PLEKHN1: variants seen among roughly 807,000 people sequenced by gnomAD.
The protein encoded by PLEKHN1 is pleckstrin homology domain containing N1.
Under a neutral mutation model 72.8 loss-of-function variants are expected in PLEKHN1, and 68 were observed. The observed-to-expected ratio is 0.93, with a 90% CI of 0.77 to 1.14. The LOEUF (loss-of-function observed/expected upper bound fraction) is 1.14. PLEKHN1 is among the 50% of genes most tolerant of loss of function. The pLI is 0.00. For missense variants in PLEKHN1, 1,015 were observed against 840.5 expected, an observed-to-expected ratio of 1.21 and a Z score of -2.57; for synonymous variants, 454 against 371.6, an observed-to-expected ratio of 1.22 and a Z score of -2.55.
chr1:974,342 C>T lies in PLEKHN1; in HGVS notation c.1680C>T (p.Pro560=), dbSNP rs1168312991. The T allele has an allele frequency of 5.0e-6, 8 of 1,612,882 alleles. No individual in the cohort carries two copies. The highest frequency in any genetic ancestry group is 1.6e-4 in the Middle Eastern group (1 of 6,062). ...TCTCCTCTGCCAGGGAAGGTTCGCC[C>T]GAACCCTGGCTGCCTCTGACAGGTG... is the stretch of plus-strand genomic sequence containing the variant. ...QLVSSAREGS[P]EPWLPLTDGR... is the part of the protein sequence containing the mutation. Residue 560 remains proline, a synonymous_variant, in exon 15 of 16, where the codon CCC becomes CCT. Transcript: ENST00000379410.
Position 974,229 on chromosome 1 carries a change from C to T in PLEKHN1, c.1654-87C>T, listed in dbSNP as rs1643499789. ...GGACTGGGGAGGGAGAGCAGGGGGA[C>T]ATGGGGGGCTGCACAGTGACAGGCC... On this transcript the variant is annotated intron_variant, in intron 14 of 15. Transcript: ENST00000379410. 6.9e-6 allele frequency: 11 copies of T among 1,583,762 alleles called. No homozygotes were observed. In the East Asian group the frequency reaches 2.5e-4, roughly 35 times the overall value.
Position 966,580 on chromosome 1 carries a change from T to C in PLEKHN1, c.49T>C (p.Ser17Pro). Residue 17 changes from serine (S) to proline (P), a missense_variant, in exon 1 of 16, where the codon TCC becomes CCC. By Grantham distance (74) the Ser-to-Pro change is moderately conservative. Coordinates refer to ENST00000379410, the MANE Select transcript of PLEKHN1 (RefSeq NM_032129.3). ...TCAGGCCCCCAGGAGGCTCCGGGCC[T>C]CCTTCTCCAGAAAGCCCTCGCTGAA... ...VPQAPRRLRA[S>P]FSRKPSLKGN... 6.2e-7 allele frequency: 1 copy of C among 1,610,922 alleles called. No homozygotes were observed. Among genetic ancestry groups the C allele is most frequent in the Non-Finnish European group, 8.5e-7 (1 of 1,178,646 alleles).
Position 970,399 on chromosome 1 carries a change from C to T in PLEKHN1, c.306C>T (p.Val102=), listed in dbSNP as rs774385295. 1.2e-6 allele frequency: 2 copies of T among 1,613,352 alleles called. No individual in the cohort carries two copies. The highest frequency in any genetic ancestry group is 1.7e-6 in the Non-Finnish European group (2 of 1,179,954). The change falls in exon 3 of 16, where the codon GTC becomes GTT. Residue 102 remains valine (V), a synonymous_variant. Transcript: ENST00000379410. This position sits in a 1 kb window ranked among gnomAD's most constrained non-coding sequence, Gnocchi z 4.2. The part of the protein sequence containing the change: ...NLGKVVHYAK[V]QLRFQHSQDV... ...GAAAAGTTGTGCATTACGCCAAGGTCCAGCTGCGGTTCCAGCACAGCCAGG... is the reference window on the plus strand; with the variant it reads ...GAAAAGTTGTGCATTACGCCAAGGTTCAGCTGCGGTTCCAGCACAGCCAGG...
chr1:968,312 AG>A (rs1343281570), intron 2 of PLEKHN1, among the ~76,000 whole-genome samples: 1 of 151,602 alleles, frequency 6.6e-6, no homozygotes. Context: ...AGCTCCTAGA[AG>A]GAGGAGGACA....
At position 972,129 on chromosome 1, in the gene PLEKHN1, A is replaced by G; in HGVS notation, c.844A>G (p.Ile282Val). 3.1e-6 allele frequency: 5 copies of G among 1,613,102 alleles called. No homozygotes were observed. Among genetic ancestry groups the G allele is most frequent in the Non-Finnish European group, 2.5e-6 (3 of 1,179,902 alleles). The change falls in exon 9 of 16, where the codon ATC (isoleucine) becomes GTC (valine). Residue 282 changes from isoleucine (I) to valine (V), a missense_variant. Ile to Val is a conservative substitution (Grantham distance 29). Transcript: ENST00000379410. ...HINLEEKEKQ[I>V]RSFLIEGPLI... ...CAACCTGGAGGAGAAGGAGAAGCAG[A>G]TCCGCTCCTTCCTGATTGAAGGTAG...
rs1301226005 is a variant in PLEKHN1 at position 969,576 on chromosome 1, ATT to A, written c.184-699_184-698del. On this transcript the variant is annotated intron_variant, in intron 2 of 15. Transcript: ENST00000379410. Reference sequence around the variant, plus strand: ...TATGTGTATACATGTGTATGGGTGTATTTGCGTGTGGATATGTATGCATGTAT... The same window carrying A: ...TATGTGTATACATGTGTATGGGTGTATGCGTGTGGATATGTATGCATGTAT... Among the ~76,000 whole-genome samples the A allele has an allele frequency of 4.6e-5, 7 of 150,794 alleles. No homozygotes were observed. The South Asian group carries it at 6.3e-4, about 14-fold the overall frequency.
chr1:966,521 C>T lies in PLEKHN1; in HGVS notation c.-11C>T, dbSNP rs146478061. On this transcript the variant is annotated 5_prime_UTR_variant, in exon 1 of 16. It adds an upstream start codon to the 5' untranslated region. Coordinates refer to ENST00000379410, the MANE Select transcript of PLEKHN1 (RefSeq NM_032129.3). ...AGGGACCCAGACTTGCCGACCTGTA[C>T]GACTCTGGCCATGGGGAACAGCCAC... 7.0e-4 allele frequency: 1,113 copies of T among 1,596,082 alleles called. 12 individuals carry two copies. The East Asian group carries it at 0.019, about 28-fold the overall frequency.
In PLEKHN1 at chr1:974,747, C is replaced by G; in HGVS notation, c.*172C>G. ...AGCTCCTGTTCCTTGGTGCCAGCAGCTGGGGCAGGGAAGGGTGGGAGGGGC... is the reference window on the plus strand; with the variant it reads ...AGCTCCTGTTCCTTGGTGCCAGCAGGTGGGGCAGGGAAGGGTGGGAGGGGC... On this transcript the variant is annotated 3_prime_UTR_variant, in exon 16 of 16. Coordinates refer to ENST00000379410, the MANE Select transcript of PLEKHN1 (RefSeq NM_032129.3). The G allele has an allele frequency of 1.8e-5, 13 of 704,424 alleles. No homozygotes were observed. The highest frequency in any genetic ancestry group is 3.3e-5 in the East Asian group (1 of 30,008). 43.6% of individuals were successfully genotyped at this position (704,424 alleles called of 1,614,324 possible).
chr1:973,720 C>A (rs146331840), intron 13 of PLEKHN1, 80 bp downstream of exon 13: 2 of 1,573,738 alleles, frequency 1.3e-6, no homozygotes, highest in Non-Finnish European at 1.7e-6. Flanking sequence ...GTGCGTCTCA[C>A]CCTGGGGTCT....
In PLEKHN1 at chr1:970,350, G is replaced by A. The variant is rs147933507; in HGVS notation, c.257G>A (p.Arg86Gln). Residue 86 changes from arginine (R) to glutamine (Q), a missense_variant, in exon 3 of 16, where the codon CGG becomes CAG. Transcript: ENST00000379410. This position sits in a 1 kb window ranked among gnomAD's most constrained non-coding sequence, Gnocchi z 4.2. ...CTGAGTGTGTTCAAGAAGGGGCGGC[G>A]GAGGGTGCCTGTGAGGAACCTGGGA... ...PFLSVFKKGR[R>Q]RVPVRNLGKV... The A allele has an allele frequency of 6.1e-5, 98 of 1,613,576 alleles. No individual in the cohort carries two copies. The African/African-American group carries it at 1.0e-3, about 16-fold the overall frequency.
chr1:967,667 C>T (rs1161664039), intron 2 of PLEKHN1, among the ~76,000 whole-genome samples: 1 of 152,226 alleles, frequency 6.6e-6, no homozygotes. Context: ...GAAGCTCGTG[C>T]CATACCCTCT....
In PLEKHN1 at chr1:970,841, G is replaced by T. The variant is rs746332344; in HGVS notation, c.485-38G>T. On this transcript the variant is annotated intron_variant, in intron 5 of 15. Transcript: ENST00000379410. This position sits in a 1 kb window ranked among gnomAD's most constrained non-coding sequence, Gnocchi z 4.2. The stretch of plus-strand genomic sequence containing the variant: ...GGCCTGCCCTGTGGCTGCGGAGCAC[G>T]TGTGTGTATGTGTGTGCCCTCTCTG... 6.2e-7 allele frequency: 1 copy of T among 1,612,316 alleles called. No homozygotes were observed. The highest frequency in any genetic ancestry group is 1.1e-5 in the South Asian group (1 of 91,070).
rs1262075120 is a variant in PLEKHN1, at chr1:971,650, G to C, written c.789+246G>C. On this transcript the variant is annotated intron_variant, in intron 8 of 15. Transcript: ENST00000379410. ...TGGGGCGGGCAGCATGGGGCTGAGA[G>C]CCCCTCCCGGGGACTCCCTTGTGTG... 6.7e-6 allele frequency: 4 copies of C among 597,572 alleles called. No individual in the cohort carries two copies. The East Asian group carries it at 1.1e-4, about 17-fold the overall frequency. The allele number at this position is 597,572 out of a possible 1,614,324, so 37.0% of individuals were successfully genotyped here. A position where few individuals can be genotyped will look rare whatever the true frequency, so the allele number is the denominator to read the frequency against.
At chr1:967,909 G>A (rs1425831652) in intron 2 of PLEKHN1, among the ~76,000 whole-genome samples, 2 of 152,202 alleles carry the variant, frequency 1.3e-5, no homozygotes, top group East Asian at 3.8e-4. Flanking sequence ...CCAGGACATG[G>A]TAGCCACAGA....
Position 972,274 on chromosome 1 carries a change from CATCTGT to C in PLEKHN1, c.866-11_866-6del, listed in dbSNP as rs753702145. The C allele has an allele frequency of 4.4e-6, 7 of 1,608,648 alleles. No homozygotes were observed. The highest frequency in any genetic ancestry group is 4.5e-5 in the East Asian group (2 of 44,774). On this transcript the variant is annotated splice_region_variant and splice_polypyrimidine_tract_variant and intron_variant, in intron 9 of 15. Transcript: ENST00000379410. ...GCACCCCCCCGCCAGCCCCTCACAG[CATCTGT>C]ATGCCAGGCCCCCTCATCAACACCA...
rs551855602 is a variant in PLEKHN1, at chr1:973,614, G to T, written c.1408G>T (p.Val470Phe). ...YTPPATSHRRVTDVRGLEEFL... is the reference protein window; with the variant it reads ...YTPPATSHRRFTDVRGLEEFL... ...ACCACCCGCCACCTCCCACCGCAGGGTCACAGATGTCCGGGGCCTGGAGGA... is the reference window on the plus strand; with the variant it reads ...ACCACCCGCCACCTCCCACCGCAGGTTCACAGATGTCCGGGGCCTGGAGGA... Residue 470 changes from valine (V) to phenylalanine (F), a missense_variant, in exon 13 of 16, where the codon GTC becomes TTC. Transcript: ENST00000379410. The T allele has an allele frequency of 1.1e-5, 17 of 1,613,048 alleles. No homozygotes were observed. Among genetic ancestry groups the T allele is most frequent in the Middle Eastern group, 1.6e-4 (1 of 6,062 alleles).
chr1:972,720 C>T (rs1007982097), intron 10 of PLEKHN1, 141 bp from the exon 11 acceptor site: 52 of 1,123,246 alleles, frequency 4.6e-5, no homozygotes, highest in Admixed American at 2.7e-4. Flanking sequence ...GAGCCGAGAT[C>T]GTGCCACTGT....
chr1:974,726 C>T lies in PLEKHN1; in HGVS notation c.*151C>T, dbSNP rs1643527179. 2.9e-6 allele frequency: 3 copies of T among 1,043,196 alleles called. No homozygotes were observed. Among genetic ancestry groups the T allele is most frequent in the Non-Finnish European group, 4.0e-6 (3 of 742,694 alleles). The allele number at this position is 1,043,196 out of a possible 1,614,324, so 64.6% of individuals were successfully genotyped here. A position where few individuals can be genotyped will look rare whatever the true frequency, so the allele number is the denominator to read the frequency against. ...TGAGTTCAGAGCCCGTCCCTCAGCTCCTGTTCCTTGGTGCCAGCAGCTGGG... is the reference window on the plus strand; with the variant it reads ...TGAGTTCAGAGCCCGTCCCTCAGCTTCTGTTCCTTGGTGCCAGCAGCTGGG... On this transcript the variant is annotated 3_prime_UTR_variant, in exon 16 of 16. Coordinates refer to ENST00000379410, the MANE Select transcript of PLEKHN1 (RefSeq NM_032129.3).
chr1:971,978 C>T (rs1643354527), intron 8 of PLEKHN1, 97 bp from the exon 9 acceptor site: 3 of 1,226,860 alleles, frequency 2.4e-6, no homozygotes, highest in Middle Eastern at 2.2e-4. Flanking sequence ...TCTCCAAGTA[C>T]CCAGCCAAGC....
Sources: gnomAD v4.1 joint callset for allele counts (sites outside exome capture counted in the v4.1 genomes callset) on GRCh38, gnomAD v4.1.1 for gene constraint, Gnocchi (gnomAD v3.1) non-coding constraint, MANE v1.5 for transcripts, NCBI Gene and HGNC (gene_info 2026-07-23, HGNC 2026-07-21) for gene names.